Variants in PDE4D observed in about 807,000 individuals in gnomAD.
The protein encoded by PDE4D is phosphodiesterase 4D, also known as 3',5'-cyclic-AMP phosphodiesterase 4D.
A neutral mutation model predicts 87.4 loss-of-function variants in PDE4D; 24 were observed. That is an observed-to-expected ratio of 0.27 (90% CI 0.20 to 0.39). PDE4D has a LOEUF of 0.39. PDE4D is among the 10% of genes least tolerant of loss of function. PDE4D has a pLI of 1.00. For missense variants in PDE4D, 714 were observed against 1,041.0 expected (o/e 0.69, Z 4.32); for synonymous variants, 384 against 383.2 (o/e 1.00, Z -0.02).
chr5:59,615,101 A>AT (rs1354995735), intron 1 of PDE4D, among the ~76,000 whole-genome samples: 1 of 152,184 alleles, frequency 6.6e-6, no homozygotes, highest in Admixed American at 6.5e-5. Context: ...AACTGCTGGG[A>AT]TTACAGGCAT....
At chr5:60,035,209 T>C (rs1271630669) in intron 2 of PDE4D, among the ~76,000 whole-genome samples, 1 of 146,888 alleles carries the variant, frequency 6.8e-6, no homozygotes, top group Non-Finnish European at 1.5e-5. Flanking sequence ...TGAGTTGAAA[T>C]GGCGCCACTG....
At chr5:59,002,842 GCA>G (rs1750813117) in intron 6 of PDE4D, among the ~76,000 whole-genome samples, 1 of 152,074 alleles carries the variant, frequency 6.6e-6, no homozygotes, top group African/African-American at 2.4e-5. Context: ...TTCTTACATA[GCA>G]ATAAATAACC....
At chr5:59,961,587 T>G (rs1159200186) in intron 3 of PDE4D, among the ~76,000 whole-genome samples, 3 of 152,180 alleles carry the variant, frequency 2.0e-5, no homozygotes, top group African/African-American at 7.2e-5. Flanking sequence ...GGAACACATC[T>G]GCCTTTACAA....
intron 1 of PDE4D, among the ~76,000 whole-genome samples, chr5:59,454,619 A>C (rs1176990828): frequency 6.6e-6 from 1 of 152,180 alleles, no homozygotes; most frequent in Admixed American, 6.5e-5. Flanking sequence ...AGAGTGGTGC[A>C]GTGCCGAAAA....
intron 2 of PDE4D, among the ~76,000 whole-genome samples, chr5:60,014,244 T>C (rs1288022666): frequency 6.6e-6 from 1 of 152,106 alleles, no homozygotes; most frequent in Non-Finnish European, 1.5e-5. Flanking sequence ...CCAGACCAGC[T>C]ATTGACTAAA....
chr5:59,050,979 T>C lies in PDE4D; in HGVS notation c.809-12008A>G, dbSNP rs544303735. Among the ~76,000 whole-genome samples, 10 of 152,350 alleles carry C rather than the reference T, an allele frequency of 6.6e-5. No homozygotes were observed. In the South Asian group the frequency reaches 1.7e-3, roughly 25 times the overall value. On this transcript the variant is annotated intron_variant, in intron 5 of 14. Transcript: ENST00000340635. Reference sequence around the variant, plus strand: ...GAGAGTTTCCTTCCTTTTCCACAGATTCTCAATCCTAAAACAGTTACTATT... The same window carrying C: ...GAGAGTTTCCTTCCTTTTCCACAGACTCTCAATCCTAAAACAGTTACTATT...
chr5:59,519,798 G>T (rs866875508), intron 1 of PDE4D, among the ~76,000 whole-genome samples: 4 of 152,134 alleles, frequency 2.6e-5, no homozygotes, highest in South Asian at 2.1e-4. Flanking sequence ...CTGGTTAGGA[G>T]GGTATTTCCA....
intron 1 of PDE4D, among the ~76,000 whole-genome samples, chr5:60,191,694 A>G (rs544940756): frequency 1.2e-4 from 19 of 152,294 alleles, no homozygotes; most frequent in Admixed American, 3.9e-4. Context: ...TGCAAGTTGT[A>G]TGATTAAAAA....
intron 2 of PDE4D, among the ~76,000 whole-genome samples, chr5:60,185,349 C>A (rs1784698890): frequency 6.6e-6 from 1 of 152,092 alleles, no homozygotes; most frequent in Admixed American, 6.5e-5. Flanking sequence ...TATAAACTAG[C>A]TGAAAGAATT....
At chr5:59,254,148 C>G (rs954041206) in intron 1 of PDE4D, among the ~76,000 whole-genome samples, 3 of 152,010 alleles carry the variant, frequency 2.0e-5, no homozygotes, top group Admixed American at 6.6e-5. Context: ...GTAAAGACTC[C>G]CTCTTCCAGT....
intron 5 of PDE4D, among the ~76,000 whole-genome samples, chr5:59,103,722 A>G (rs1253853512): frequency 3.3e-5 from 5 of 152,208 alleles, no homozygotes; most frequent in Admixed American, 3.3e-4. Context: ...ATCATTTTTC[A>G]TGGAACAGAT....
intron 1 of PDE4D, among the ~76,000 whole-genome samples, chr5:59,346,808 C>T (rs1337711432): frequency 1.3e-5 from 2 of 152,118 alleles, no homozygotes; most frequent in African/African-American, 2.4e-5. Context: ...GAACTTTATA[C>T]CAAGAAACTG....
At chr5:60,040,613 A>G (rs547783519) in intron 2 of PDE4D, among the ~76,000 whole-genome samples, 6 of 152,200 alleles carry the variant, frequency 3.9e-5, no homozygotes, top group Non-Finnish European at 7.3e-5. Flanking sequence ...AATTAGGATT[A>G]TTGATATGAG....
intron 2 of PDE4D, among the ~76,000 whole-genome samples, chr5:60,080,896 A>G (rs1219481657): frequency 6.6e-6 from 1 of 152,176 alleles, no homozygotes; most frequent in East Asian, 1.9e-4. Context: ...GGCTTCATAA[A>G]ATGAGTTAGG....
chr5:59,180,560 A>G lies in PDE4D; in HGVS notation c.808+35T>C, dbSNP rs180878267. 6,684 of 1,580,984 alleles carry G rather than the reference A, an allele frequency of 4.2e-3. 22 individuals carry two copies. Among genetic ancestry groups the G allele is most frequent in the Non-Finnish European group, 4.5e-3 (5,235 of 1,151,462 alleles). ...CTCTTGGCAGAAATGGTTTCTTCCT[A>G]GACACATGAAGAATAAGCTCCAGAT... is the stretch of plus-strand genomic sequence containing the variant. On this transcript the variant is annotated intron_variant, in intron 5 of 14. Coordinates refer to ENST00000340635, the MANE Select transcript of PDE4D (RefSeq NM_001104631.2).
In PDE4D at chr5:59,395,931, G is replaced by A. The variant is rs1789324526; in HGVS notation, c.456-179963C>T. ...AACCAAGGCTCAAGAACTACCTGAAGAATGCAGAAGCCTCAGGAGCTGATG... is the reference window on the plus strand; with the variant it reads ...AACCAAGGCTCAAGAACTACCTGAAAAATGCAGAAGCCTCAGGAGCTGATG... On this transcript the variant is annotated intron_variant, in intron 1 of 14. Transcript: ENST00000340635. 1.7e-5 allele frequency among the ~76,000 whole-genome samples: 2 copies of A among 120,236 alleles called. 1 individual carries two copies. 78.9% of individuals were successfully genotyped at this position (120,236 alleles called of 152,430 possible). A position where few individuals can be genotyped will look rare whatever the true frequency, so the allele number is the denominator to read the frequency against.
At chr5:59,276,022 T>A (rs1185990112) in intron 1 of PDE4D, 6 of 981,778 alleles carry the variant, frequency 6.1e-6, no homozygotes, top group Non-Finnish European at 6.0e-6. Flanking sequence ...GTTTTGTGAA[T>A]GAGAACTATC....
At chr5:59,666,865 A>G (rs1230811194) in intron 1 of PDE4D, among the ~76,000 whole-genome samples, 1 of 152,186 alleles carries the variant, frequency 6.6e-6, no homozygotes, top group African/African-American at 2.4e-5. Context: ...CCTTGATGTC[A>G]GAGTAAAATC....
chr5:60,197,073 ACAGT>A (rs1253954709), intron 1 of PDE4D, among the ~76,000 whole-genome samples: 1,661 of 69,748 alleles, frequency 0.024, 21 homozygotes, highest in East Asian at 0.039. Context: ...AGATAGATAG[ACAGT>A]TAGATAGATA....
Sources: gnomAD v4.1 joint callset for allele counts (sites outside exome capture counted in the v4.1 genomes callset) on GRCh38, gnomAD v4.1.1 for gene constraint, MANE v1.5 for transcripts, NCBI Gene and HGNC (gene_info 2026-07-23, HGNC 2026-07-21) for gene names.